CD99L2: variants seen among roughly 807,000 people sequenced by gnomAD.
CD99L2 encodes the protein CD99 antigen-like protein 2.
In CD99L2, 24 loss-of-function variants were observed where a neutral mutation model predicts 27.3. That is an observed-to-expected ratio of 0.88 (90% CI 0.64 to 1.24). The LOEUF is 1.24. CD99L2 is among the 50% of genes most tolerant of loss of function. The pLI is 0.00. For missense variants in CD99L2, 255 were observed against 221.6 expected, an observed-to-expected ratio of 1.15 and a Z score of -0.96; for synonymous variants, 97 against 87.9, an observed-to-expected ratio of 1.10 and a Z score of -0.58.
At chrX:150,827,747 C>CA (rs1209970219) in intron 2 of CD99L2, among the ~76,000 whole-genome samples, 1 of 111,760 alleles carries the variant, frequency 8.9e-6, no homozygotes, top group Non-Finnish European at 1.9e-5. Context: ...ACACTGTACA[C>CA]AAAAATTAAC....
chrX:150,827,032 T>C (rs1437737789), intron 2 of CD99L2, among the ~76,000 whole-genome samples: 1 of 111,484 alleles, frequency 9.0e-6, no homozygotes, highest in African/African-American at 3.3e-5. Flanking sequence ...GTATGTCTCC[T>C]TCCAGAGAAA....
chrX:150,807,741 G>A (rs1230723367), intron 4 of CD99L2, among the ~76,000 whole-genome samples: 1 of 111,315 alleles, frequency 9.0e-6, no homozygotes, highest in Non-Finnish European at 1.9e-5. Flanking sequence ...CTGCCTGCAG[G>A]CCTGTGTGTG....
rs782023610 is a variant in CD99L2 at position 150,769,246 on chromosome X, C to T, written c.722-145G>A. On this transcript the variant is annotated intron_variant, in intron 10 of 10. Transcript: ENST00000370377. ...CGCTTAGCAACCTTCCCTCCTGAGCCTGGGAGCAGTTTTGGGCCGGTCAAG... is the reference window on the plus strand; with the variant it reads ...CGCTTAGCAACCTTCCCTCCTGAGCTTGGGAGCAGTTTTGGGCCGGTCAAG... 109 of 658,281 alleles carry T rather than the reference C, an allele frequency of 1.7e-4. No homozygotes were observed. The East Asian group carries it at 3.8e-3, about 23-fold the overall frequency. 54.2% of individuals were successfully genotyped at this position (658,281 alleles called of 1,213,427 possible). A position where few individuals can be genotyped will look rare whatever the true frequency, so the allele number is the denominator to read the frequency against.
rs782012430 is a variant in CD99L2, at chrX:150,814,906, T to C, written c.233A>G (p.Asp78Gly). 2.5e-6 allele frequency: 3 copies of C among 1,211,525 alleles called. No homozygotes were observed. In the South Asian group the frequency reaches 5.3e-5, roughly 21 times the overall value. Residue 78 changes from aspartate (D) to glycine (G), a missense_variant, in exon 4 of 11, where the codon GAT becomes GGT. By Grantham distance (94) the Asp-to-Gly change is moderately conservative (BLOSUM62 -1). Transcript: ENST00000370377. ...GSGLDLADAL[D>G]DQDDGRRKPG... ...TTTCCTGCGGCCATCATCTTGATCA[T>C]CCAAAGCATCAGCCAAGTCCAATCC...
chrX:150,898,387 C>A (rs1212392564), intron 1 of CD99L2, 135 bp downstream of exon 1: 3 of 423,804 alleles, frequency 7.1e-6, no homozygotes, highest in African/African-American at 2.7e-5. Flanking sequence ...CGCTCCGCCT[C>A]GCACAGCCGG....
chrX:150,836,085 C>T (rs1970273079), intron 1 of CD99L2, among the ~76,000 whole-genome samples: 2 of 111,810 alleles, frequency 1.8e-5, no homozygotes, highest in Non-Finnish European at 3.8e-5. Flanking sequence ...CCCAACCTAG[C>T]GTCCTACTGA....
intron 2 of CD99L2, among the ~76,000 whole-genome samples, chrX:150,820,173 T>C (rs2124196169): frequency 9.2e-6 from 1 of 108,955 alleles, no homozygotes; most frequent in East Asian, 2.8e-4. Flanking sequence ...GGACTGACCA[T>C]GACCAAGAGG....
intron 1 of CD99L2, among the ~76,000 whole-genome samples, chrX:150,881,572 T>C (rs1247370960): frequency 8.9e-6 from 1 of 112,385 alleles, no homozygotes; most frequent in Admixed American, 9.4e-5. Flanking sequence ...GCCTGGTGCA[T>C]ACACAGCACT....
chrX:150,830,705 T>C (rs945401222), intron 2 of CD99L2, among the ~76,000 whole-genome samples: 1 of 112,287 alleles, frequency 8.9e-6, no homozygotes, highest in East Asian at 2.8e-4. Context: ...TGACTTGAGC[T>C]ACAGAAACTG....
chrX:150,897,318 T>C (rs1388643599), intron 1 of CD99L2, among the ~76,000 whole-genome samples: 8 of 112,612 alleles, frequency 7.1e-5, no homozygotes, highest in African/African-American at 2.6e-4. Flanking sequence ...GTCTCAATTT[T>C]GTTCACTACC....
chrX:150,830,492 C>G (rs1165723134), intron 2 of CD99L2, among the ~76,000 whole-genome samples: 3 of 110,501 alleles, frequency 2.7e-5, no homozygotes, highest in African/African-American at 9.9e-5. Flanking sequence ...TTTATGGCTA[C>G]AGTAAAGCTA....
chrX:150,777,533 C>T (rs200853762), intron 7 of CD99L2, 51 bp from the exon 8 acceptor site: 197 of 1,169,854 alleles, frequency 1.7e-4, no homozygotes, highest in Admixed American at 4.6e-4. Flanking sequence ...AGCTCAGGCT[C>T]GAGCTCGGGC....
At chrX:150,889,142 C>T (rs1341765917) in intron 1 of CD99L2, among the ~76,000 whole-genome samples, 1 of 112,766 alleles carries the variant, frequency 8.9e-6, no homozygotes, top group East Asian at 2.8e-4. Context: ...TCTGTCTGGA[C>T]TTTAATCTCC....
At chrX:150,814,759 C>T (rs1267327161) in intron 4 of CD99L2, 103 bp downstream of exon 4, 2 of 726,906 alleles carry the variant, frequency 2.8e-6, no homozygotes, top group African/African-American at 2.1e-5. Context: ...GCTTGAAGTG[C>T]CTCCACCTCT....
At chrX:150,890,738 T>C (rs1171648708) in intron 1 of CD99L2, among the ~76,000 whole-genome samples, 1 of 111,366 alleles carries the variant, frequency 9.0e-6, no homozygotes, top group Non-Finnish European at 1.9e-5. Context: ...AAGGGGCAAG[T>C]GCGGCCTGCA....
At chrX:150,877,816 C>T (rs782277565) in intron 1 of CD99L2, among the ~76,000 whole-genome samples, 1 of 109,072 alleles carries the variant, frequency 9.2e-6, no homozygotes, top group East Asian at 2.9e-4. Context: ...GTCCACGTCT[C>T]AAAAAAAGAA....
intron 1 of CD99L2, among the ~76,000 whole-genome samples, chrX:150,871,351 A>G (rs2047153777): frequency 8.9e-6 from 1 of 111,759 alleles, no homozygotes; most frequent in Admixed American, 9.6e-5. Context: ...AAATATCAGA[A>G]AAGCAGCCTA....
chrX:150,772,258 C>T (rs1268305867), intron 9 of CD99L2, among the ~76,000 whole-genome samples: 6 of 112,848 alleles, frequency 5.3e-5, no homozygotes, highest in East Asian at 2.8e-4. Context: ...CTCCTGATCA[C>T]GGAGGGGGCA....
intron 4 of CD99L2, among the ~76,000 whole-genome samples, chrX:150,805,610 G>A (rs782669088): frequency 4.2e-4 from 47 of 111,383 alleles, no homozygotes; most frequent in Non-Finnish European, 6.8e-4. Flanking sequence ...GTATGTAAGT[G>A]CTTATAATAG....
Sources: gnomAD v4.1 joint callset for allele counts (sites outside exome capture counted in the v4.1 genomes callset) on GRCh38, gnomAD v4.1.1 for gene constraint, MANE v1.5 for transcripts, NCBI Gene and HGNC (gene_info 2026-07-23, HGNC 2026-07-21) for gene names.